The following PCNX2 variants were observed in gnomAD, a reference collection of about 807,000 sequenced individuals.
PCNX2 encodes the protein pecanex-like protein 2.
In PCNX2, 168 loss-of-function variants were observed where a neutral mutation model predicts 223.8. The observed-to-expected ratio is 0.75, with a 90% CI of 0.66 to 0.85. PCNX2 has a LOEUF of 0.85. Ranked by LOEUF, PCNX2 falls within the 40% of genes least tolerant of loss-of-function variation. The probability of loss-of-function intolerance (pLI) is 0.00; values close to 1 mark genes in which losing one functional copy is unlikely to be tolerated. For synonymous variants in PCNX2, 1,006 were observed against 1,052.6 expected (o/e 0.96, Z 0.86); for missense variants, 2,507 against 2,675.5 (o/e 0.94, Z 1.39).
intron 20 of PCNX2, among the ~76,000 whole-genome samples, chr1:233,138,271 T>C (rs1335991309): frequency 6.6e-6 from 1 of 152,150 alleles, no homozygotes; most frequent in African/African-American, 2.4e-5. Flanking sequence ...TAATATTACT[T>C]CTAAATGGAC....
intron 23 of PCNX2, among the ~76,000 whole-genome samples, chr1:233,079,206 T>C (rs949552824): frequency 1.3e-5 from 2 of 152,124 alleles, no homozygotes; most frequent in African/African-American, 4.8e-5. Context: ...GCAATAAAGG[T>C]ATGCTTTTGC....
In PCNX2 at chr1:233,111,564, T is replaced by C. The variant is rs574026452; in HGVS notation, c.3838-15701A>G. Reference sequence around the variant, plus strand: ...GCCTCCCAAGTAGCACCACCACACTTAGCTAATGTTTGAATTTTTTGTAGA... The same window carrying C: ...GCCTCCCAAGTAGCACCACCACACTCAGCTAATGTTTGAATTTTTTGTAGA... On this transcript the variant is annotated intron_variant, in intron 21 of 33. Coordinates refer to ENST00000258229, the MANE Select transcript of PCNX2 (RefSeq NM_014801.4). 2.4e-4 allele frequency among the ~76,000 whole-genome samples: 36 copies of C among 151,876 alleles called. No individual in the cohort carries two copies. The East Asian group carries it at 6.4e-3, about 27-fold the overall frequency.
At chr1:233,189,702 G>A (rs1057502487) in intron 15 of PCNX2, among the ~76,000 whole-genome samples, 7 of 152,176 alleles carry the variant, frequency 4.6e-5, no homozygotes, top group Admixed American at 3.3e-4. Flanking sequence ...CCCGCAAGCA[G>A]TTGTTAAGGA....
chr1:233,280,882 T>C (rs1661160420), intron 1 of PCNX2, among the ~76,000 whole-genome samples: 2 of 152,324 alleles, frequency 1.3e-5, no homozygotes, highest in South Asian at 4.1e-4. Flanking sequence ...AATAATATTT[T>C]TACAAAGATT....
the PCNX2 span, among the ~76,000 whole-genome samples, chr1:233,304,986 A>G: frequency 1.3e-5 from 2 of 152,204 alleles, no homozygotes; most frequent in Non-Finnish European, 2.9e-5. Flanking sequence ...AATGGAATAT[A>G]AGGAATATTA....
At chr1:233,068,101 A>C (rs1672697886) in intron 23 of PCNX2, among the ~76,000 whole-genome samples, 1 of 152,188 alleles carries the variant, frequency 6.6e-6, no homozygotes, top group Non-Finnish European at 1.5e-5. Context: ...AAAAGGAAAA[A>C]TTCTGAATTA....
upstream of PCNX2, among the ~76,000 whole-genome samples, chr1:233,295,994 C>CTTT (rs1662095467): frequency 1.8e-5 from 2 of 110,328 alleles, no homozygotes; most frequent in South Asian, 2.9e-4. This position sits in a 1 kb window ranked among gnomAD's most constrained non-coding sequence, Gnocchi z 4.1. Context: ...TTTTTTCTTT[C>CTTT]TTTCTTTCTT....
chr1:233,208,373 A>G, intron 13 of PCNX2, 145 bp downstream of exon 13: 2 of 846,106 alleles, frequency 2.4e-6, no homozygotes, highest in Non-Finnish European at 3.5e-6. Flanking sequence ...GCTCCCAGAC[A>G]GTCTTCGGTA....
At chr1:233,112,205 C>A (rs1675153412) in intron 21 of PCNX2, among the ~76,000 whole-genome samples, 1 of 152,176 alleles carries the variant, frequency 6.6e-6, no homozygotes, top group Non-Finnish European at 1.5e-5. Context: ...AATATGAGCA[C>A]CTGGTATAGA....
intron 12 of PCNX2, among the ~76,000 whole-genome samples, chr1:233,217,128 G>A (rs1054627940): frequency 6.6e-6 from 1 of 152,032 alleles, no homozygotes; most frequent in Non-Finnish European, 1.5e-5. Flanking sequence ...AAGGAATTCT[G>A]AAGATCTTCT....
chr1:233,181,998 A>T (rs1355706309), intron 15 of PCNX2, among the ~76,000 whole-genome samples: 2 of 151,534 alleles, frequency 1.3e-5, no homozygotes, highest in South Asian at 4.2e-4. Flanking sequence ...TCCACATTTC[A>T]CTCCTGGTCA....
intron 28 of PCNX2, 68 bp downstream of exon 28, chr1:233,014,597 C>CA: frequency 8.0e-7 from 1 of 1,245,950 alleles, no homozygotes. Flanking sequence ...AAATGATTGA[C>CA]AAAATCTGTC....
At chr1:233,040,766 A>G (rs1260900623) in intron 25 of PCNX2, among the ~76,000 whole-genome samples, 1 of 152,026 alleles carries the variant, frequency 6.6e-6, no homozygotes, top group East Asian at 1.9e-4. Context: ...GCCCGGTCCA[A>G]TCTCTACCCC....
rs529393463 is a variant in PCNX2 at position 233,102,072 on chromosome 1, A to C, written c.3838-6209T>G. 1.2e-4 allele frequency among the ~76,000 whole-genome samples: 18 copies of C among 150,626 alleles called. No individual in the cohort carries two copies. The South Asian group carries it at 3.4e-3, about 28-fold the overall frequency. On this transcript the variant is annotated intron_variant, in intron 21 of 33. Coordinates refer to ENST00000258229, the MANE Select transcript of PCNX2 (RefSeq NM_014801.4). ...AAAACTTCCTCACAGGAGTAAATGCATGAGATTCATTTTTCTTTTTTTTTT... is the reference window on the plus strand; with the variant it reads ...AAAACTTCCTCACAGGAGTAAATGCCTGAGATTCATTTTTCTTTTTTTTTT...
Position 233,252,385 on chromosome 1 carries a change from C to G in PCNX2, c.2097G>C (p.Val699=). Reference sequence around the variant, plus strand: ...CATCAATGAAGACATGCATAGCATCCACAGATATCTCTTCTTGTACAGATG... The same window carrying G: ...CATCAATGAAGACATGCATAGCATCGACAGATATCTCTTCTTGTACAGATG... ...PETSVQEEIS[V]DAMHVFIDEH... The change falls in exon 7 of 34, where the codon GTG becomes GTC. Residue 699 remains valine (V), a synonymous_variant. Transcript: ENST00000258229. The G allele has an allele frequency of 4.3e-6, 7 of 1,612,108 alleles. No individual in the cohort carries two copies. The highest frequency in any genetic ancestry group is 5.9e-6 in the Non-Finnish European group (7 of 1,178,544).
intron 8 of PCNX2, among the ~76,000 whole-genome samples, chr1:233,238,915 T>G (rs1243082721): frequency 6.6e-6 from 1 of 152,176 alleles, no homozygotes; most frequent in Non-Finnish European, 1.5e-5. Context: ...TTTTCCTTCT[T>G]GTCTATATTA....
chr1:233,118,491 C>A (rs1224211892), intron 21 of PCNX2, among the ~76,000 whole-genome samples: 771 of 94,144 alleles, frequency 8.2e-3, no homozygotes, highest in Non-Finnish European at 9.2e-3. Flanking sequence ...AAGGCACCTA[C>A]AAAAAAAAAA....
At chr1:233,100,480 A>G (rs1460767799) in intron 21 of PCNX2, among the ~76,000 whole-genome samples, 3 of 152,064 alleles carry the variant, frequency 2.0e-5, no homozygotes, top group African/African-American at 7.2e-5. Context: ...TCCCAAGGAA[A>G]GTCACCATAA....
intron 3 of PCNX2, among the ~76,000 whole-genome samples, 199 bp downstream of exon 3, chr1:233,261,846 A>G (rs1452175925): frequency 6.6e-6 from 1 of 152,196 alleles, no homozygotes; most frequent in Non-Finnish European, 1.5e-5. Context: ...TGCTTTGAAC[A>G]CACGACTGGG....
Sources: allele counts gnomAD v4.1 joint callset (sites outside exome capture counted in the v4.1 genomes callset), GRCh38; gene constraint gnomAD v4.1.1; non-coding constraint Gnocchi (gnomAD v3.1); transcripts MANE v1.5; gene names NCBI Gene and HGNC (gene_info 2026-07-23, HGNC 2026-07-21).